The following ADGRL3 variants were observed in gnomAD, a reference collection of about 807,000 sequenced individuals.
ADGRL3 encodes the protein adhesion G protein-coupled receptor L3, also known as calcium-independent alpha-latrotoxin receptor 3.
A neutral mutation model predicts 153.5 loss-of-function variants in ADGRL3; 62 were observed. The observed-to-expected ratio is 0.40, with a 90% CI of 0.33 to 0.50. The LOEUF is 0.50. ADGRL3 is among the 20% of genes least tolerant of loss of function. The pLI, the probability that ADGRL3 is intolerant of heterozygous loss-of-function variation, is 0.47. For missense variants in ADGRL3, 1,641 were observed against 1,859.4 expected, an observed-to-expected ratio of 0.88 and a Z score of 2.16; for synonymous variants, 710 against 672.5, an observed-to-expected ratio of 1.06 and a Z score of -0.86.
chr4:61,227,180 G>A lies in ADGRL3; in HGVS notation c.-240+25415G>A, dbSNP rs146272118. ...AAATGTCTGCAGAAGATGACTTGGA[G>A]GTTTTTTGTCATTTCTTCTGGCACC... On this transcript the variant is annotated intron_variant, in intron 1 of 26. Coordinates refer to ENST00000683033, the MANE Select transcript of ADGRL3 (RefSeq NM_001387552.1). 4.6e-3 allele frequency among the ~76,000 whole-genome samples: 694 copies of A among 152,132 alleles called. 7 individuals carry two copies. The highest frequency in any genetic ancestry group is 0.016 in the African/African-American group (655 of 41,510).
intron 8 of ADGRL3, among the ~76,000 whole-genome samples, chr4:61,741,500 AGCTGCTGCCTGAAGGACATT>A (rs1239399562): frequency 3.3e-5 from 5 of 152,200 alleles, no homozygotes. Context: ...TTGCAGTGAC[AGCTGCTGCCTGAAGGACATT>A]GCTGCTGCTG....
At chr4:61,255,679 A>G (rs2091893069) in intron 1 of ADGRL3, among the ~76,000 whole-genome samples, 1 of 152,200 alleles carries the variant, frequency 6.6e-6, no homozygotes, top group Admixed American at 6.5e-5. Flanking sequence ...CAGGAGTGGA[A>G]ATTACTTGGC....
intron 3 of ADGRL3, among the ~76,000 whole-genome samples, chr4:61,502,166 G>A (rs915465446): frequency 4.6e-5 from 7 of 152,148 alleles, no homozygotes; most frequent in Non-Finnish European, 2.9e-5. Flanking sequence ...GGTACCTGGG[G>A]CTCATTTTGA....
chr4:61,851,831 A>C (rs1020215626), intron 9 of ADGRL3, among the ~76,000 whole-genome samples: 1 of 152,202 alleles, frequency 6.6e-6, no homozygotes, highest in African/African-American at 2.4e-5. Flanking sequence ...AATATAATAG[A>C]TCCAATGTGT....
At chr4:61,391,891 G>A (rs2096809222) in intron 2 of ADGRL3, among the ~76,000 whole-genome samples, 1 of 129,572 alleles carries the variant, frequency 7.7e-6, no homozygotes. Context: ...ATGGAGTCTG[G>A]CTCTGTCACC....
In ADGRL3 at chr4:61,533,064, A is replaced by G. The variant is rs565188344; in HGVS notation, c.259+15546A>G. Among the ~76,000 whole-genome samples the G allele has an allele frequency of 8.5e-5, 13 of 152,316 alleles. No homozygotes were observed. The East Asian group carries it at 2.3e-3, about 27-fold the overall frequency. On this transcript the variant is annotated intron_variant, in intron 4 of 26. Coordinates refer to ENST00000683033, the MANE Select transcript of ADGRL3 (RefSeq NM_001387552.1). ...ATTCTGAAAGCAGCCTTAATTAGGG[A>G]AAAATCTATCTGCCATAAAACAAAA... is the stretch of plus-strand genomic sequence containing the variant.
intron 6 of ADGRL3, among the ~76,000 whole-genome samples, chr4:61,687,381 T>C (rs1323139379): frequency 6.6e-6 from 1 of 151,930 alleles, no homozygotes; most frequent in African/African-American, 2.4e-5. Flanking sequence ...AGAGTCAATG[T>C]TGGGAAGGGG....
intron 9 of ADGRL3, among the ~76,000 whole-genome samples, chr4:61,836,739 G>A (rs752844914): frequency 4.2e-4 from 64 of 151,986 alleles, no homozygotes; most frequent in African/African-American, 7.2e-4. Flanking sequence ...TCTGTTGAAC[G>A]TTTTATATGT....
intron 1 of ADGRL3, among the ~76,000 whole-genome samples, chr4:61,325,715 A>G (rs752471788): frequency 3.1e-4 from 47 of 152,104 alleles, no homozygotes; most frequent in Non-Finnish European, 6.6e-4. Flanking sequence ...ATTTTATGAT[A>G]CTATTCTTTT....
intron 1 of ADGRL3, among the ~76,000 whole-genome samples, chr4:61,328,952 T>C (rs2095518135): frequency 6.6e-6 from 1 of 152,300 alleles, no homozygotes; most frequent in East Asian, 1.9e-4. Context: ...AAATTCATCA[T>C]GGGAGACTTG....
intron 1 of ADGRL3, among the ~76,000 whole-genome samples, chr4:61,210,959 A>T (rs998670111): frequency 6.6e-6 from 1 of 152,206 alleles, no homozygotes; most frequent in Non-Finnish European, 1.5e-5. Flanking sequence ...AAAAAATTAT[A>T]TACAATCATC....
chr4:61,818,462 C>T (rs188219442), intron 9 of ADGRL3, among the ~76,000 whole-genome samples: 4 of 152,242 alleles, frequency 2.6e-5, no homozygotes, highest in Admixed American at 2.6e-4. Context: ...CATCAGTGGA[C>T]CTACCATTCT....
intron 9 of ADGRL3, among the ~76,000 whole-genome samples, chr4:61,870,118 A>G (rs1049985121): frequency 1.3e-5 from 2 of 151,974 alleles, no homozygotes; most frequent in African/African-American, 2.4e-5. Flanking sequence ...GCACAGTTCT[A>G]TAATTGTTGA....
At chr4:61,281,467 G>T (rs2093723401) in intron 1 of ADGRL3, among the ~76,000 whole-genome samples, 1 of 152,124 alleles carries the variant, frequency 6.6e-6, no homozygotes, top group Admixed American at 6.6e-5. Flanking sequence ...CTTGCAGGTA[G>T]CTTTATTTTA....
intron 21 of ADGRL3, among the ~76,000 whole-genome samples, chr4:62,001,673 A>G (rs572380247): frequency 6.6e-6 from 1 of 152,306 alleles, no homozygotes; most frequent in African/African-American, 2.4e-5. Flanking sequence ...GCATGTTTTT[A>G]AACAAGAATA....
chr4:61,851,228 C>T (rs1476099258), intron 9 of ADGRL3, among the ~76,000 whole-genome samples: 2 of 152,024 alleles, frequency 1.3e-5, no homozygotes, highest in African/African-American at 4.8e-5. Context: ...TGAGCAAAGG[C>T]GTGTAACTCA....
chr4:61,482,961 T>C (rs1460847237), intron 2 of ADGRL3, among the ~76,000 whole-genome samples: 1 of 152,188 alleles, frequency 6.6e-6, no homozygotes, highest in East Asian at 1.9e-4. Flanking sequence ...CCTTGTATAA[T>C]ACTATCTGAC....
Position 61,948,363 on chromosome 4 carries a change from T to G in ADGRL3, c.2805+87T>G, listed in dbSNP as rs914475233. 5.0e-5 allele frequency: 45 copies of G among 895,482 alleles called. No homozygotes were observed. The South Asian group carries it at 5.1e-4, about 10-fold the overall frequency. The allele number at this position is 895,482 out of a possible 1,614,324, so 55.5% of individuals were successfully genotyped here. A position where few individuals can be genotyped will look rare whatever the true frequency, so the allele number is the denominator to read the frequency against. On this transcript the variant is annotated intron_variant, in intron 17 of 26. Coordinates refer to ENST00000683033, the MANE Select transcript of ADGRL3 (RefSeq NM_001387552.1). ...AGTCCTAACTATATGGGCTATCATA[T>G]TTCAATGTTTTCCTACTTTCATAGT... is the stretch of plus-strand genomic sequence containing the variant.
At chr4:61,928,405 C>T (rs1316199830) in intron 13 of ADGRL3, among the ~76,000 whole-genome samples, 2 of 152,066 alleles carry the variant, frequency 1.3e-5, no homozygotes, top group African/African-American at 4.8e-5. Flanking sequence ...TTTTTATGGT[C>T]CTCCTCAGCA....
Sources: allele counts gnomAD v4.1 joint callset (sites outside exome capture counted in the v4.1 genomes callset), GRCh38; gene constraint gnomAD v4.1.1; transcripts MANE v1.5; gene names NCBI Gene and HGNC (gene_info 2026-07-23, HGNC 2026-07-21).